TMEM131L: variants seen among roughly 807,000 people sequenced by gnomAD.
The protein encoded by TMEM131L is transmembrane 131 like.
In TMEM131L, 54 loss-of-function variants were observed where a neutral mutation model predicts 192.2. The observed-to-expected ratio is 0.28, with a 90% CI of 0.23 to 0.35. The LOEUF is 0.35. TMEM131L is among the 10% of genes least tolerant of loss of function. The pLI is 1.00. For synonymous variants in TMEM131L, 701 were observed against 704.9 expected, an observed-to-expected ratio of 0.99 and a Z score of 0.09; for missense variants, 1,888 against 1,972.9, an observed-to-expected ratio of 0.96 and a Z score of 0.82.
rs758411922 is a variant in TMEM131L at position 153,527,765 on chromosome 4, A to G, written c.240-22308A>G. Among the ~76,000 whole-genome samples the G allele has an allele frequency of 3.9e-5, 6 of 152,082 alleles. No individual in the cohort carries two copies. In the South Asian group the frequency reaches 1.2e-3, roughly 32 times the overall value. ...ACGCAGCCCAGGAAGGGAACCCAAC[A>G]CGTTTTACCTGGCAGCGTGTGGCTG... On this transcript the variant is annotated intron_variant, in intron 3 of 34. Transcript: ENST00000409959.
chr4:153,583,954 C>G (rs76407078), intron 11 of TMEM131L, among the ~76,000 whole-genome samples: 20 of 152,306 alleles, frequency 1.3e-4, no homozygotes, highest in Non-Finnish European at 2.8e-4. Context: ...TGACAGGAGT[C>G]TATGCAGGCT....
intron 3 of TMEM131L, among the ~76,000 whole-genome samples, chr4:153,482,332 A>G (rs1335306896): frequency 6.6e-6 from 1 of 150,904 alleles, no homozygotes; most frequent in East Asian, 2.0e-4. Context: ...AATTTTTTTG[A>G]CTGTTGTAGA....
intron 7 of TMEM131L, 76 bp downstream of exon 7, chr4:153,558,444 A>G (rs1728629691): frequency 1.3e-6 from 1 of 797,786 alleles, no homozygotes. Flanking sequence ...TTATTTTACT[A>G]TTTTCTGCTT....
intron 23 of TMEM131L, 94 bp downstream of exon 23, chr4:153,602,821 G>T: frequency 9.2e-7 from 1 of 1,087,652 alleles, no homozygotes; most frequent in Non-Finnish European, 1.4e-6. Context: ...TGTAGTCAAA[G>T]TATATGAATT....
At chr4:153,585,424 C>G in intron 12 of TMEM131L, 34 bp from the exon 13 acceptor site, 1 of 1,609,188 alleles carries the variant, frequency 6.2e-7, no homozygotes, top group Non-Finnish European at 8.5e-7. Flanking sequence ...GTCCCACACT[C>G]AGGCCTGATA....
intron 7 of TMEM131L, among the ~76,000 whole-genome samples, chr4:153,578,666 A>G (rs1578787146): frequency 6.6e-6 from 1 of 151,534 alleles, no homozygotes; most frequent in South Asian, 2.1e-4. Flanking sequence ...GACTACAGGC[A>G]CCCGCCACCA....
intron 26 of TMEM131L, among the ~76,000 whole-genome samples, chr4:153,618,790 A>C (rs1733179035): frequency 6.6e-6 from 1 of 151,990 alleles, no homozygotes; most frequent in Non-Finnish European, 1.5e-5. Context: ...TGCACCAGAA[A>C]GCAGGCAGGT....
intron 3 of TMEM131L, among the ~76,000 whole-genome samples, chr4:153,507,855 G>A (rs1249424887): frequency 6.6e-6 from 1 of 152,186 alleles, no homozygotes; most frequent in Non-Finnish European, 1.5e-5. Flanking sequence ...CGGTTCTACA[G>A]TGGGATTCAG....
At chr4:153,562,150 G>T (rs768921804) in intron 7 of TMEM131L, among the ~76,000 whole-genome samples, 14 of 151,622 alleles carry the variant, frequency 9.2e-5, no homozygotes, top group South Asian at 4.2e-4. Context: ...CAATTCTGCT[G>T]CCTCAGCCTC....
chr4:153,628,281 C>G (rs1158630096), intron 31 of TMEM131L, among the ~76,000 whole-genome samples: 1 of 152,212 alleles, frequency 6.6e-6, no homozygotes, highest in Non-Finnish European at 1.5e-5. Flanking sequence ...AAGGAAACCT[C>G]TCCTGCCTGG....
At chr4:153,504,120 C>T (rs1221075317) in intron 3 of TMEM131L, among the ~76,000 whole-genome samples, 2 of 151,856 alleles carry the variant, frequency 1.3e-5, no homozygotes, top group Non-Finnish European at 2.9e-5. Flanking sequence ...GCGCCCGCCA[C>T]CACGCCCGGC....
At chr4:153,530,643 C>A (rs1208218993) in intron 3 of TMEM131L, among the ~76,000 whole-genome samples, 5 of 152,186 alleles carry the variant, frequency 3.3e-5, no homozygotes, top group African/African-American at 1.2e-4. Flanking sequence ...ACATTTCACT[C>A]ATGCAAGTTC....
At chr4:153,519,394 ACT>A (rs1222482371) in intron 3 of TMEM131L, among the ~76,000 whole-genome samples, 1 of 152,220 alleles carries the variant, frequency 6.6e-6, no homozygotes, top group African/African-American at 2.4e-5. Flanking sequence ...CGAATCTTTC[ACT>A]TTCTTGCTAC....
intron 3 of TMEM131L, among the ~76,000 whole-genome samples, chr4:153,546,484 T>G (rs1410193797): frequency 1.3e-5 from 2 of 152,178 alleles, no homozygotes; most frequent in East Asian, 1.9e-4. Context: ...ATTGCTATAG[T>G]TCTTGAGATT....
In TMEM131L at chr4:153,636,684, T is replaced by G. The variant is rs1734604817; in HGVS notation, c.*108T>G. 3.6e-6 allele frequency: 4 copies of G among 1,122,050 alleles called. No individual in the cohort carries two copies. In the Admixed American group the frequency reaches 1.1e-4, roughly 30 times the overall value. The allele number at this position is 1,122,050 out of a possible 1,614,324, so 69.5% of individuals were successfully genotyped here. A position where few individuals can be genotyped will look rare whatever the true frequency, so the allele number is the denominator to read the frequency against. On this transcript the variant is annotated 3_prime_UTR_variant, in exon 35 of 35. Transcript: ENST00000409959. ...GACATTGGTGGATATTTTGGCACTTTTATATGAAAATAAATTTTTTAATGA... is the reference window on the plus strand; with the variant it reads ...GACATTGGTGGATATTTTGGCACTTGTATATGAAAATAAATTTTTTAATGA...
At chr4:153,602,376 T>C (rs1438383324) in intron 22 of TMEM131L, 38 bp downstream of exon 22, 1 of 1,594,772 alleles carries the variant, frequency 6.3e-7, no homozygotes, top group Non-Finnish European at 8.5e-7. Context: ...AGTTTTGTGG[T>C]GCGTTTAACA....
Position 153,626,147 on chromosome 4 carries a change from G to T in TMEM131L, c.4046G>T (p.Gly1349Val). The change falls in exon 30 of 35, where the codon GGA (glycine) becomes GTA (valine). Residue 1349 changes from glycine (G) to valine (V), a missense_variant and splice_region_variant. Gly to Val is a moderately radical substitution (Grantham distance 109). Transcript: ENST00000409959. Reference sequence around the variant, plus strand: ...TGATAATGTGTTTCTTTTAATGCAGGAGACAGTGTTTCACAAAATGATTTT... The same window carrying T: ...TGATAATGTGTTTCTTTTAATGCAGTAGACAGTGTTTCACAAAATGATTTT... Reference protein sequence around the residue: ...MVDAQHFLPAGDSVSQNDFPS... With the variant: ...MVDAQHFLPAVDSVSQNDFPS... 1 of 1,602,140 alleles carries T rather than the reference G, an allele frequency of 6.2e-7. No homozygotes were observed. Among genetic ancestry groups the T allele is most frequent in the Admixed American group, 1.7e-5 (1 of 59,914 alleles).
At chr4:153,525,229 A>G (rs1436379700) in intron 3 of TMEM131L, among the ~76,000 whole-genome samples, 1 of 152,216 alleles carries the variant, frequency 6.6e-6, no homozygotes, top group Non-Finnish European at 1.5e-5. Context: ...ATTTTTTAAA[A>G]GGATTTTTCC....
intron 3 of TMEM131L, among the ~76,000 whole-genome samples, chr4:153,540,380 T>C (rs1375779937): frequency 6.6e-6 from 1 of 152,224 alleles, no homozygotes; most frequent in Non-Finnish European, 1.5e-5. Flanking sequence ...TTCAGCCTTC[T>C]AGATCCTACT....
Sources: allele counts gnomAD v4.1 joint callset (sites outside exome capture counted in the v4.1 genomes callset), GRCh38; gene constraint gnomAD v4.1.1; transcripts MANE v1.5; gene names NCBI Gene and HGNC (gene_info 2026-07-23, HGNC 2026-07-21).